BICRA: variants seen among roughly 807,000 people sequenced by gnomAD.
The protein encoded by BICRA is BRD4-interacting chromatin-remodeling complex-associated protein.
In BICRA, 31 loss-of-function variants were observed where a neutral mutation model predicts 96.9. The observed-to-expected ratio is 0.32, with a 90% CI of 0.24 to 0.43. BICRA has a LOEUF of 0.43. Among genes scored for constraint, BICRA ranks in the 20% least tolerant of loss-of-function variants. The pLI, the probability that BICRA is intolerant of heterozygous loss-of-function variation, is 1.00. For synonymous variants in BICRA, 1,350 were observed against 1,071.8 expected, an observed-to-expected ratio of 1.26 and a Z score of -5.07; for missense variants, 2,283 against 2,190.3, an observed-to-expected ratio of 1.04 and a Z score of -0.84.
intron 1 of BICRA, among the ~76,000 whole-genome samples, chr19:47,642,234 C>A (rs1972395346): frequency 6.6e-6 from 1 of 152,156 alleles, no homozygotes; most frequent in Admixed American, 6.6e-5. Context: ...ATTTTTTCAT[C>A]CATTCACCTG....
chr19:47,656,162 C>G (rs1386658957), intron 1 of BICRA, among the ~76,000 whole-genome samples: 1 of 150,686 alleles, frequency 6.6e-6, no homozygotes, highest in Non-Finnish European at 1.5e-5. Flanking sequence ...TGGCGCACAC[C>G]TAAGGAGGAC....
At chr19:47,623,334 G>C (rs926677194) in intron 1 of BICRA, among the ~76,000 whole-genome samples, 20 of 152,070 alleles carry the variant, frequency 1.3e-4, no homozygotes, top group African/African-American at 4.8e-4. Context: ...CCTCCCTGCT[G>C]CTCCTCCCTG....
At chr19:47,673,388 T>A (rs1388696317) in intron 2 of BICRA, among the ~76,000 whole-genome samples, 182 bp from the exon 3 acceptor site, 1 of 151,954 alleles carries the variant, frequency 6.6e-6, no homozygotes, top group Non-Finnish European at 1.5e-5. Flanking sequence ...CTGTCCCTGG[T>A]CAGGGGTTTC....
At position 47,695,865 on chromosome 19, in the gene BICRA, C is replaced by T. The variant is rs367850818; in HGVS notation, c.3186+391C>T. 3.2e-4 allele frequency among the ~76,000 whole-genome samples: 48 copies of T among 151,808 alleles called. No individual in the cohort carries two copies. The South Asian group carries it at 9.8e-3, about 31-fold the overall frequency. On this transcript the variant is annotated intron_variant, in intron 10 of 14. Coordinates refer to ENST00000594866, the MANE Select transcript of BICRA (RefSeq NM_001394372.1). Reference sequence around the variant, plus strand: ...ACCGGAGACGGAGCAGATCAGGGACCGAGAATGAAAGGGTGAGAGGGTGGG... The same window carrying T: ...ACCGGAGACGGAGCAGATCAGGGACTGAGAATGAAAGGGTGAGAGGGTGGG...
chr19:47,623,925 C>T (rs754925505), intron 1 of BICRA, among the ~76,000 whole-genome samples: 1 of 150,892 alleles, frequency 6.6e-6, no homozygotes, highest in Non-Finnish European at 1.5e-5. Flanking sequence ...GATCTTGGCT[C>T]ACCGCAACCT....
rs1364649436 is a variant in BICRA, at chr19:47,703,071, C to T, written c.*656C>T. On this transcript the variant is annotated 3_prime_UTR_variant, in exon 15 of 15. Transcript: ENST00000594866. Reference sequence around the variant, plus strand: ...AACAAGAAACTGGGGTCTTCCTCTCCCCCGAACCTCTCCCCAGCTAGTCTT... The same window carrying T: ...AACAAGAAACTGGGGTCTTCCTCTCTCCCGAACCTCTCCCCAGCTAGTCTT... 6.6e-6 allele frequency: 1 copy of T among 152,660 alleles called. No individual in the cohort carries two copies. Among genetic ancestry groups the T allele is most frequent in the Non-Finnish European group, 1.5e-5 (1 of 68,074 alleles). 9.5% of individuals were successfully genotyped at this position (152,660 alleles called of 1,614,324 possible).
In BICRA at chr19:47,701,766, C is replaced by G; in HGVS notation, c.4034C>G (p.Pro1345Arg). 1 of 1,542,854 alleles carries G rather than the reference C, an allele frequency of 6.5e-7. No individual in the cohort carries two copies. Among genetic ancestry groups the G allele is most frequent in the Non-Finnish European group, 8.7e-7 (1 of 1,144,202 alleles). Residue 1345 changes from proline to arginine, a missense_variant, in exon 15 of 15, where the codon CCC becomes CGC. Physicochemically the swap from Pro to Arg is moderately radical, Grantham distance 103. Coordinates refer to ENST00000594866, the MANE Select transcript of BICRA (RefSeq NM_001394372.1). This position sits in a 1 kb window ranked among gnomAD's most constrained non-coding sequence, Gnocchi z 5.4. ...CCCGCTACCCTCAAGGTGGCCGAGC[C>G]CCCGCCACGGCCGCCACCACCACCG... ...PPPATLKVAE[P>R]PPRPPPPPPP...
At chr19:47,660,791 T>A (rs756791382) in intron 1 of BICRA, among the ~76,000 whole-genome samples, 1 of 152,180 alleles carries the variant, frequency 6.6e-6, no homozygotes, top group Non-Finnish European at 1.5e-5. Flanking sequence ...TGGGTTCAAA[T>A]CCTGGCTCTT....
intron 11 of BICRA, 103 bp downstream of exon 11, chr19:47,696,615 C>T: frequency 9.6e-7 from 1 of 1,041,796 alleles, no homozygotes; most frequent in Non-Finnish European, 1.4e-6. Context: ...GCCCAAGTGC[C>T]AAGCCCAGCT....
chr19:47,694,684 A>T lies in BICRA; in HGVS notation c.2853A>T (p.Pro951=). The T allele has an allele frequency of 6.6e-7, 1 of 1,507,052 alleles. No homozygotes were observed. Among genetic ancestry groups the T allele is most frequent in the Non-Finnish European group, 8.9e-7 (1 of 1,125,206 alleles). 93.4% of individuals were successfully genotyped at this position (1,507,052 alleles called of 1,614,324 possible). A position where few individuals can be genotyped will look rare whatever the true frequency, so the allele number is the denominator to read the frequency against. Residue 951 remains proline, a synonymous_variant, in exon 8 of 15, where the codon CCA becomes CCT. Transcript: ENST00000594866. ...RTFQMVTTPF[P]ALPQPKALLE... ...TCCAGATGGTGACCACCCCCTTCCC[A>T]GCGCTGCCCCAGCCGAAGGCTCTTC... is the stretch of plus-strand genomic sequence containing the variant.
chr19:47,668,649 G>A (rs1372448719), intron 1 of BICRA, among the ~76,000 whole-genome samples: 1 of 151,990 alleles, frequency 6.6e-6, no homozygotes, highest in Non-Finnish European at 1.5e-5. Flanking sequence ...CACCAGGCCT[G>A]GCCAATTTTT....
chr19:47,626,795 C>T (rs1972147959), intron 1 of BICRA, among the ~76,000 whole-genome samples: 2 of 147,532 alleles, frequency 1.4e-5, no homozygotes, highest in South Asian at 2.2e-4. Flanking sequence ...GATCTCAGCT[C>T]ACTGCAACCT....
At chr19:47,641,003 G>A (rs956938173) in intron 1 of BICRA, among the ~76,000 whole-genome samples, 2 of 148,014 alleles carry the variant, frequency 1.4e-5, no homozygotes, top group Non-Finnish European at 3.0e-5. Context: ...GGGTTCAAGC[G>A]ATTCTCCTAC....
chr19:47,655,954 G>T (rs1972610377), intron 1 of BICRA, among the ~76,000 whole-genome samples: 1 of 151,748 alleles, frequency 6.6e-6, no homozygotes, highest in Admixed American at 6.6e-5. Context: ...ATAATGTGAG[G>T]CTGGGCATGG....
intron 1 of BICRA, among the ~76,000 whole-genome samples, chr19:47,621,378 A>G (rs1018308372): frequency 6.6e-6 from 1 of 152,006 alleles, no homozygotes; most frequent in Admixed American, 6.6e-5. Flanking sequence ...CCAAAGGAAC[A>G]AAATCCCCTG....
chr19:47,698,731 C>T lies in BICRA; in HGVS notation c.3346C>T (p.Pro1116Ser), dbSNP rs1186056159. The T allele has an allele frequency of 6.2e-7, 1 of 1,610,064 alleles. No homozygotes were observed. ...TGAGGACGCCCTGCATCGCCTCCTG[C>T]CCTACCATGTCTACCAGGGCGCCCT... ...SFEDALHRLL[P>S]YHVYQGALPS... The change falls in exon 12 of 15, where the codon CCC becomes TCC. Residue 1116 changes from proline (P) to serine (S), a missense_variant. By Grantham distance (74) the Pro-to-Ser change is moderately conservative (BLOSUM62 -1). Coordinates refer to ENST00000594866, the MANE Select transcript of BICRA (RefSeq NM_001394372.1). This position sits in a 1 kb window ranked among gnomAD's most constrained non-coding sequence, Gnocchi z 4.8.
intron 4 of BICRA, among the ~76,000 whole-genome samples, chr19:47,674,449 A>AG (rs1486573283): frequency 2.6e-5 from 4 of 152,248 alleles, no homozygotes; most frequent in African/African-American, 9.6e-5. Context: ...GGGGAAAAGT[A>AG]GAAGTCTGTT....
intron 1 of BICRA, among the ~76,000 whole-genome samples, chr19:47,623,184 G>A (rs1032148741): frequency 2.0e-5 from 3 of 151,926 alleles, no homozygotes; most frequent in African/African-American, 7.3e-5. Flanking sequence ...CTCCCCGTCA[G>A]CGACCTCCTG....
chr19:47,680,095 G>T lies in BICRA; in HGVS notation c.925G>T (p.Gly309Cys). 6.4e-7 allele frequency: 1 copy of T among 1,551,534 alleles called. No individual in the cohort carries two copies. Among genetic ancestry groups the T allele is most frequent in the Non-Finnish European group, 8.6e-7 (1 of 1,160,042 alleles). Reference protein sequence around the residue: ...TTLNGNSVFGGAGAASAPTGT... With the variant: ...TTLNGNSVFGCAGAASAPTGT... Reference sequence around the variant, plus strand: ...GCTCAATGGGAACTCTGTGTTCGGAGGCGCGGGGGCCGCCTCGGCTCCCAC... The same window carrying T: ...GCTCAATGGGAACTCTGTGTTCGGATGCGCGGGGGCCGCCTCGGCTCCCAC... The change falls in exon 6 of 15, where the codon GGC becomes TGC. Residue 309 changes from glycine (G) to cysteine (C), a missense_variant. Transcript: ENST00000594866.
Sources: allele counts gnomAD v4.1 joint callset (sites outside exome capture counted in the v4.1 genomes callset), GRCh38; gene constraint gnomAD v4.1.1; non-coding constraint Gnocchi (gnomAD v3.1); transcripts MANE v1.5; gene names NCBI Gene and HGNC (gene_info 2026-07-23, HGNC 2026-07-21).